The following ERC2 variants were observed in gnomAD, a reference collection of about 807,000 sequenced individuals.
The protein encoded by ERC2 is ELKS/RAB6-interacting/CAST family member 2, also known as ERC protein 2.
In ERC2, 42 loss-of-function variants were observed where a neutral mutation model predicts 114.8. The ratio of observed to expected loss-of-function variants is 0.37; its 90% CI spans 0.29 to 0.47. The LOEUF (loss-of-function observed/expected upper bound fraction) is 0.47. ERC2 is among the 20% of genes least tolerant of loss of function. ERC2 has a pLI of 0.99. For synonymous variants in ERC2, 454 were observed against 425.5 expected, an observed-to-expected ratio of 1.07 and a Z score of -0.82; for missense variants, 939 against 1,150.7, an observed-to-expected ratio of 0.82 and a Z score of 2.66.
chr3:56,333,065 T>G (rs2150463768), intron 2 of ERC2, among the ~76,000 whole-genome samples: 1 of 152,350 alleles, frequency 6.6e-6, no homozygotes, highest in East Asian at 1.9e-4. Context: ...ATGCAACACG[T>G]GGTTACACTG....
intron 4 of ERC2, among the ~76,000 whole-genome samples, chr3:56,163,979 T>C (rs188314289): frequency 1.3e-5 from 2 of 152,194 alleles, no homozygotes; most frequent in African/African-American, 2.4e-5. Context: ...AAGTACTAAG[T>C]GTGTTTTTGT....
chr3:56,372,847 G>C (rs1192830641), intron 2 of ERC2, among the ~76,000 whole-genome samples: 2 of 152,288 alleles, frequency 1.3e-5, no homozygotes, highest in East Asian at 3.9e-4. Flanking sequence ...AATTCACAAT[G>C]CTACTTAAAA....
chr3:55,897,141 C>T (rs2063880183), intron 13 of ERC2, among the ~76,000 whole-genome samples: 1 of 152,150 alleles, frequency 6.6e-6, no homozygotes, highest in Non-Finnish European at 1.5e-5. Context: ...TAACATGTGT[C>T]GACTTAAACT....
intron 3 of ERC2, among the ~76,000 whole-genome samples, chr3:56,265,844 C>A (rs1463599792): frequency 1.3e-5 from 2 of 151,896 alleles, no homozygotes; most frequent in East Asian, 3.9e-4. Context: ...GCCTGGCCAA[C>A]ATACTGAAAT....
intron 13 of ERC2, among the ~76,000 whole-genome samples, chr3:55,924,013 AT>A (rs2149388806): frequency 6.6e-6 from 1 of 152,260 alleles, no homozygotes; most frequent in East Asian, 1.9e-4. Flanking sequence ...AAACCTTATT[AT>A]TAAGCTGGGG....
intron 17 of ERC2, among the ~76,000 whole-genome samples, chr3:55,536,857 G>C (rs6790648): frequency 0.011 from 1,711 of 152,274 alleles, 37 homozygotes; most frequent in African/African-American, 0.039. Flanking sequence ...CCTACAGGAA[G>C]GGACTGTGAA....
At chr3:55,554,854 C>A (rs67171120) in intron 17 of ERC2, among the ~76,000 whole-genome samples, 1 of 152,032 alleles carries the variant, frequency 6.6e-6, no homozygotes, top group Non-Finnish European at 1.5e-5. Context: ...TCTCTCTTCC[C>A]AGGCCCCAAG....
In ERC2 at chr3:55,599,325, G is replaced by A. The variant is rs184694300; in HGVS notation, c.*39+84469C>T. Among the ~76,000 whole-genome samples the A allele has an allele frequency of 3.3e-5, 5 of 152,294 alleles. 1 individual carries two copies. The highest frequency in any genetic ancestry group is 1.2e-4 in the African/African-American group (5 of 41,558). On this transcript the variant is annotated intron_variant, in intron 17 of 17. Coordinates refer to ENST00000288221, the MANE Select transcript of ERC2 (RefSeq NM_015576.3). The stretch of plus-strand genomic sequence containing the variant: ...CCTATGAAGCATGGAGACTGCAAAG[G>A]AAGACAGAGAAGACAACTTGATACC...
At chr3:55,811,434 T>G (rs962993004) in intron 14 of ERC2, among the ~76,000 whole-genome samples, 2 of 152,156 alleles carry the variant, frequency 1.3e-5, no homozygotes, top group African/African-American at 4.8e-5. Flanking sequence ...AAACTGGAGA[T>G]CACAGAGGCA....
intron 3 of ERC2, among the ~76,000 whole-genome samples, chr3:56,229,108 T>C (rs114808632): frequency 1.2e-3 from 189 of 152,328 alleles, no homozygotes; most frequent in Admixed American, 4.7e-3. Flanking sequence ...ATTTGGCATA[T>C]ATTTACCAAG....
intron 3 of ERC2, 46 bp from the exon 4 acceptor site, chr3:56,173,566 G>A (rs371577444): frequency 2.5e-4 from 386 of 1,572,262 alleles, no homozygotes; most frequent in Non-Finnish European, 3.1e-4. Context: ...TCATCCTTCC[G>A]TTACACCACA....
At chr3:55,592,456 G>A (rs1326207740) in intron 17 of ERC2, among the ~76,000 whole-genome samples, 3 of 151,988 alleles carry the variant, frequency 2.0e-5, no homozygotes, top group African/African-American at 7.3e-5. Flanking sequence ...GCTGACAATC[G>A]ATTTCTCCAT....
intron 6 of ERC2, among the ~76,000 whole-genome samples, chr3:56,105,200 G>T (rs1198466077): frequency 6.6e-6 from 1 of 152,172 alleles, no homozygotes; most frequent in African/African-American, 2.4e-5. Flanking sequence ...AGGAGACAAG[G>T]TCACAAGGAA....
chr3:56,409,136 CT>C (rs2060841473), intron 2 of ERC2, among the ~76,000 whole-genome samples: 1 of 152,222 alleles, frequency 6.6e-6, no homozygotes, highest in Admixed American at 6.5e-5. Flanking sequence ...GGCACGTGAC[CT>C]CAAAGTAGCC....
chr3:55,951,873 G>A (rs189525577), intron 12 of ERC2, among the ~76,000 whole-genome samples: 45 of 151,972 alleles, frequency 3.0e-4, no homozygotes, highest in African/African-American at 1.1e-3. Context: ...ACTGCTCTCC[G>A]CAAGAAACTC....
At chr3:55,520,217 G>A (rs1014597627) in intron 17 of ERC2, among the ~76,000 whole-genome samples, 4 of 151,920 alleles carry the variant, frequency 2.6e-5, no homozygotes, top group African/African-American at 9.7e-5. Context: ...CTTTGGGAGG[G>A]CAAGGGGGAC....
intron 2 of ERC2, among the ~76,000 whole-genome samples, chr3:56,426,564 C>G (rs2107287985): frequency 6.6e-6 from 1 of 152,282 alleles, no homozygotes; most frequent in East Asian, 1.9e-4. Flanking sequence ...ATGCTTTAGC[C>G]AACAGAATGT....
At chr3:55,729,866 T>C (rs79335532) in intron 15 of ERC2, among the ~76,000 whole-genome samples, 2 of 41,102 alleles carry the variant, frequency 4.9e-5, no homozygotes, top group African/African-American at 8.3e-5. Flanking sequence ...AAAAAAAAAA[T>C]TGTAAGCTAC....
At chr3:55,727,216 T>A (rs2064976274) in intron 15 of ERC2, among the ~76,000 whole-genome samples, 2 of 152,014 alleles carry the variant, frequency 1.3e-5, no homozygotes, top group Admixed American at 1.3e-4. Context: ...AAAGGAAAGG[T>A]GGTAATTTTC....
Sources: allele counts gnomAD v4.1 joint callset (sites outside exome capture counted in the v4.1 genomes callset), GRCh38; gene constraint gnomAD v4.1.1; transcripts MANE v1.5; gene names NCBI Gene and HGNC (gene_info 2026-07-23, HGNC 2026-07-21).